SIMC1: variants seen among roughly 807,000 people sequenced by gnomAD.
SIMC1 encodes SUMO-interacting motif-containing protein 1.
A neutral mutation model predicts 82.3 loss-of-function variants in SIMC1; 55 were observed. The ratio of observed to expected loss-of-function variants is 0.67; its 90% CI spans 0.54 to 0.84. The LOEUF is 0.84. Among genes scored for constraint, SIMC1 ranks in the 40% least tolerant of loss-of-function variants. The pLI is 0.00. For synonymous variants in SIMC1, 353 were observed against 426.3 expected (o/e 0.83, Z 2.12); for missense variants, 915 against 1,107.2 (o/e 0.83, Z 2.46).
intron 1 of SIMC1, chr5:176,263,544 A>G: frequency 2.8e-6 from 4 of 1,417,556 alleles, no homozygotes; most frequent in East Asian, 2.6e-5. Context: ...AAAAAAGAAC[A>G]TTCATATTTT....
chr5:176,243,312 T>C (rs1761330436), intron 1 of SIMC1, among the ~76,000 whole-genome samples: 1 of 152,036 alleles, frequency 6.6e-6, no homozygotes, highest in African/African-American at 2.4e-5. Flanking sequence ...AACCAAAAGT[T>C]TGGAGGCGGG....
chr5:176,336,674 A>G (rs746515664), intron 7 of SIMC1, 46 bp from the exon 8 acceptor site: 1 of 1,597,710 alleles, frequency 6.3e-7, no homozygotes, highest in Non-Finnish European at 8.5e-7. Context: ...ATGTTCTTTG[A>G]AGCATAGTTG....
At chr5:176,336,651 T>G in intron 7 of SIMC1, 69 bp from the exon 8 acceptor site, 1 of 1,568,038 alleles carries the variant, frequency 6.4e-7, no homozygotes, top group Non-Finnish European at 8.7e-7. Context: ...ACATTCAGGG[T>G]GAATTGTGGC....
At chr5:176,338,261 T>C (rs946415856) in intron 9 of SIMC1, among the ~76,000 whole-genome samples, 3 of 152,164 alleles carry the variant, frequency 2.0e-5, no homozygotes, top group African/African-American at 7.2e-5. Flanking sequence ...CTCTTCCACA[T>C]TTAAAAGAAA....
At chr5:176,308,615 C>G (rs1337378539) in intron 4 of SIMC1, 1 of 1,583,192 alleles carries the variant, frequency 6.3e-7, no homozygotes, top group East Asian at 2.2e-5. Flanking sequence ...GTTCAGAGTC[C>G]CTTCATGGTC....
At chr5:176,310,325 G>T (rs1764612191) in intron 4 of SIMC1, among the ~76,000 whole-genome samples, 1 of 152,184 alleles carries the variant, frequency 6.6e-6, no homozygotes, top group Middle Eastern at 3.2e-3. Context: ...TCATTCCAGA[G>T]AAATGAAAAC....
intron 7 of SIMC1, among the ~76,000 whole-genome samples, chr5:176,326,876 A>G (rs1765417523): frequency 6.6e-6 from 1 of 152,136 alleles, no homozygotes; most frequent in Non-Finnish European, 1.5e-5. Context: ...TGTTATCTCT[A>G]TTTAATGAAT....
intron 1 of SIMC1, among the ~76,000 whole-genome samples, chr5:176,252,559 G>C (rs1471554484): frequency 6.7e-6 from 1 of 150,072 alleles, no homozygotes. Context: ...GGGCAGAGAC[G>C]CTCCTCACTT....
At chr5:176,261,371 A>AT (rs1762009761) in intron 1 of SIMC1, among the ~76,000 whole-genome samples, 1 of 152,182 alleles carries the variant, frequency 6.6e-6, no homozygotes, top group Admixed American at 6.5e-5. Context: ...TCCCATTGGA[A>AT]TTTTGTTTGT....
intron 1 of SIMC1, among the ~76,000 whole-genome samples, chr5:176,266,070 A>G (rs1481725741): frequency 2.6e-5 from 4 of 152,276 alleles, no homozygotes; most frequent in African/African-American, 7.2e-5. Context: ...TCTACTTCCA[A>G]TCTGTGAAAC....
intron 4 of SIMC1, among the ~76,000 whole-genome samples, chr5:176,299,348 G>T (rs1763946019): frequency 6.6e-6 from 1 of 151,322 alleles, no homozygotes; most frequent in African/African-American, 2.4e-5. Flanking sequence ...GGCTATCATA[G>T]TGCCACTGCA....
intron 4 of SIMC1, among the ~76,000 whole-genome samples, chr5:176,302,863 T>G (rs1465132208): frequency 6.6e-6 from 1 of 152,164 alleles, no homozygotes; most frequent in Non-Finnish European, 1.5e-5. Context: ...GTGAAAGATT[T>G]GTATACTGAA....
intron 1 of SIMC1, among the ~76,000 whole-genome samples, chr5:176,251,581 C>A (rs1581217154): frequency 6.7e-6 from 1 of 150,110 alleles, no homozygotes; most frequent in East Asian, 1.9e-4. Flanking sequence ...AAATTATTTT[C>A]TTTTCTTTTT....
rs1414689647 is a variant in SIMC1, at chr5:176,345,263, A to T, written c.2494A>T (p.Ile832Phe). Reference sequence around the variant, plus strand: ...GCCCAAACCCCAGCAAGGAGATGACATCACAGTGGTAGACGTAGAGAAGCA... The same window carrying T: ...GCCCAAACCCCAGCAAGGAGATGACTTCACAGTGGTAGACGTAGAGAAGCA... Reference protein sequence around the residue: ...IKPKPQQGDDITVVDVEKQIE... With the variant: ...IKPKPQQGDDFTVVDVEKQIE... The change falls in exon 10 of 10, where the codon ATC (isoleucine) becomes TTC (phenylalanine). Residue 832 changes from isoleucine (I) to phenylalanine (F), a missense_variant. Ile to Phe is a conservative substitution (Grantham distance 21). Coordinates refer to ENST00000429602, the MANE Select transcript of SIMC1 (RefSeq NM_001308195.2). 19 of 1,613,946 alleles carry T rather than the reference A, an allele frequency of 1.2e-5. No individual in the cohort carries two copies. The highest frequency in any genetic ancestry group is 1.5e-5 in the Non-Finnish European group (18 of 1,179,900).
intron 5 of SIMC1, among the ~76,000 whole-genome samples, chr5:176,316,576 C>T (rs1414187038): frequency 6.6e-6 from 1 of 151,408 alleles, no homozygotes; most frequent in Non-Finnish European, 1.5e-5. Flanking sequence ...GTAATCCCAG[C>T]TACTTGAGAG....
chr5:176,297,501 T>A (rs1409518288), intron 4 of SIMC1, among the ~76,000 whole-genome samples: 30 of 61,206 alleles, frequency 4.9e-4, no homozygotes, highest in African/African-American at 1.6e-3. Flanking sequence ...AAACTCTGTC[T>A]CAAAAAAAAA....
intron 5 of SIMC1, among the ~76,000 whole-genome samples, chr5:176,320,775 A>G (rs1440461832): frequency 6.6e-6 from 1 of 152,092 alleles, no homozygotes; most frequent in Non-Finnish European, 1.5e-5. Flanking sequence ...ATAGGATTAA[A>G]TAGGATAGCT....
At chr5:176,283,891 C>G (rs903373064) in intron 1 of SIMC1, among the ~76,000 whole-genome samples, 2 of 152,148 alleles carry the variant, frequency 1.3e-5, no homozygotes, top group African/African-American at 4.8e-5. Flanking sequence ...TCTGATAAAA[C>G]AGACTTTAAA....
chr5:176,296,599 G>A (rs1763826650), intron 4 of SIMC1: 1 of 454,404 alleles, frequency 2.2e-6, no homozygotes, highest in Admixed American at 3.4e-5. Context: ...AGCCTAGGAG[G>A]TCAAGGCTAT....
Sources: gnomAD v4.1 joint callset for allele counts (sites outside exome capture counted in the v4.1 genomes callset) on GRCh38, gnomAD v4.1.1 for gene constraint, MANE v1.5 for transcripts, NCBI Gene and HGNC (gene_info 2026-07-23, HGNC 2026-07-21) for gene names.